LMO7: variants seen among roughly 807,000 people sequenced by gnomAD.
The protein encoded by LMO7 is LIM domain 7.
LMO7 carries 120 observed loss-of-function variants against 206.5 expected under a neutral mutation model. That is an observed-to-expected ratio of 0.58 (90% CI 0.50 to 0.68). LMO7 has a LOEUF of 0.68. LMO7 is among the 30% of genes least tolerant of loss of function. The pLI is 0.00. For synonymous variants in LMO7, 706 were observed against 681.5 expected, an observed-to-expected ratio of 1.04 and a Z score of -0.56; for missense variants, 1,959 against 1,957.9, an observed-to-expected ratio of 1.00 and a Z score of -0.01.
chr13:75,708,414 C>G (rs1433809821), intron 1 of LMO7, among the ~76,000 whole-genome samples: 3 of 152,180 alleles, frequency 2.0e-5, no homozygotes, highest in Non-Finnish European at 2.9e-5. Context: ...AGGACACAGC[C>G]CTTCTTTCTT....
intron 25 of LMO7, among the ~76,000 whole-genome samples, chr13:75,843,657 A>G (rs2059730836): frequency 1.3e-5 from 2 of 152,214 alleles, no homozygotes; most frequent in Non-Finnish European, 2.9e-5. Context: ...AGATATCTGG[A>G]AAGTTACATG....
At position 75,849,118 on chromosome 13, in the gene LMO7, C is replaced by T; in HGVS notation, c.4190C>T (p.Ser1397Phe). 6.2e-7 allele frequency: 1 copy of T among 1,612,850 alleles called. No individual in the cohort carries two copies. The highest frequency in any genetic ancestry group is 2.2e-5 in the East Asian group (1 of 44,832). ...TTAGACCAAATTGGGAACATGACCTCTTCACAGAGGAGATCCAAGAAAGAA... is the reference window on the plus strand; with the variant it reads ...TTAGACCAAATTGGGAACATGACCTTTTCACAGAGGAGATCCAAGAAAGAA... ...KYLDQIGNMT[S>F]SQRRSKKEQV... The change falls in exon 27 of 31, where the codon TCT (serine) becomes TTT (phenylalanine). Residue 1397 changes from serine to phenylalanine, a missense_variant. Ser to Phe is a radical substitution (Grantham distance 155). Coordinates refer to ENST00000377534, the MANE Select transcript of LMO7 (RefSeq NM_001306080.2).
intron 4 of LMO7, among the ~76,000 whole-genome samples, chr13:75,786,713 A>AT (rs1566458518): frequency 6.6e-6 from 1 of 152,086 alleles, no homozygotes; most frequent in Admixed American, 6.6e-5. Flanking sequence ...AGGTGATTCC[A>AT]TTCAGTCTTA....
chr13:75,772,703 A>G (rs895619885), intron 4 of LMO7, among the ~76,000 whole-genome samples: 1 of 152,164 alleles, frequency 6.6e-6, no homozygotes, highest in Non-Finnish European at 1.5e-5. Context: ...AAAGAAAAAC[A>G]TGTTAATGTG....
chr13:75,674,498 G>C (rs1168221282), intron 1 of LMO7, among the ~76,000 whole-genome samples: 2 of 152,130 alleles, frequency 1.3e-5, no homozygotes, highest in African/African-American at 4.8e-5. Context: ...ACATTTCTAT[G>C]GATGTTGTGA....
chr13:75,817,207 C>G lies in LMO7; in HGVS notation c.1993C>G (p.Arg665Gly), dbSNP rs370187434. The G allele has an allele frequency of 8.1e-5, 131 of 1,613,486 alleles. No individual in the cohort carries two copies. The highest frequency in any genetic ancestry group is 9.8e-5 in the Non-Finnish European group (116 of 1,179,698). The change falls in exon 12 of 31, where the codon CGT (arginine) becomes GGT (glycine). Residue 665 changes from arginine to glycine, a missense_variant. Transcript: ENST00000377534. Reference sequence around the variant, plus strand: ...CAGCGCAGAAGATGTTCAAAACTTGCGTCAGCTGCGTTACGAGGAGATGCA... The same window carrying G: ...CAGCGCAGAAGATGTTCAAAACTTGGGTCAGCTGCGTTACGAGGAGATGCA... ...DVSAEDVQNL[R>G]QLRYEEMQKI...
intron 27 of LMO7, among the ~76,000 whole-genome samples, chr13:75,850,674 T>A (rs1661928782): frequency 6.6e-6 from 1 of 152,218 alleles, no homozygotes; most frequent in African/African-American, 2.4e-5. Context: ...ACTGGGCAGT[T>A]ATTTGCATGA....
At position 75,819,394 on chromosome 13, in the gene LMO7, A is replaced by T. The variant is rs1566537739; in HGVS notation, c.2066A>T (p.Asp689Val). The T allele has an allele frequency of 1.1e-5, 18 of 1,601,930 alleles. No homozygotes were observed. The highest frequency in any genetic ancestry group is 1.4e-5 in the Non-Finnish European group (16 of 1,176,068). ...LKEQDQKWQD[D>V]LAKWKDRRKS... The stretch of plus-strand genomic sequence containing the variant: ...CTGCTGATGTGATTTTTCTGTCAGG[A>T]CCTTGCAAAATGGAAAGATCGTCGA... The change falls in exon 13 of 31, where the codon GAC (aspartate) becomes GTC (valine). Residue 689 changes from aspartate to valine, a missense_variant and splice_region_variant. Transcript: ENST00000377534.
rs143470231 is a variant in LMO7 at position 75,621,697 on chromosome 13, A to G, written c.4A>G (p.Lys2Glu). ...TAATTTTTTTATTACAACTGCTATG[A>G]AGAAAATTAGGATATGCCATATTTT... Residue 2 changes from lysine to glutamate, a missense_variant, in exon 1 of 30, where the codon AAG becomes GAG. Lys to Glu is a moderately conservative substitution (Grantham distance 56, BLOSUM62 1). Transcript: ENST00000341547. 2.3e-3 allele frequency: 3,591 copies of G among 1,579,018 alleles called. 78 individuals are homozygous for G. The African/African-American group carries it at 0.042, about 19-fold the overall frequency.
At chr13:75,746,990 G>A (rs977348171) in intron 3 of LMO7, among the ~76,000 whole-genome samples, 2 of 151,798 alleles carry the variant, frequency 1.3e-5, no homozygotes, top group Non-Finnish European at 2.9e-5. Flanking sequence ...AAAAAGATGG[G>A]GTGAAAACCT....
chr13:75,846,599 C>G (rs1200319285), intron 26 of LMO7, among the ~76,000 whole-genome samples: 1 of 152,200 alleles, frequency 6.6e-6, no homozygotes, highest in Non-Finnish European at 1.5e-5. Context: ...AACATAAACA[C>G]AAGACCTGTC....
At position 75,796,627 on chromosome 13, in the gene LMO7, T is replaced by C; in HGVS notation, c.349-9T>C. Reference sequence around the variant, plus strand: ...GATCTTGTTGTTCATGGATTTTTTTTTTTTTAAGGTTTTGATAACATTGTA... The same window carrying C: ...GATCTTGTTGTTCATGGATTTTTTTCTTTTTAAGGTTTTGATAACATTGTA... On this transcript the variant is annotated splice_polypyrimidine_tract_variant and intron_variant, in intron 5 of 30. Transcript: ENST00000377534. The C allele has an allele frequency of 1.9e-6, 3 of 1,566,644 alleles. No individual in the cohort carries two copies. Among genetic ancestry groups the C allele is most frequent in the Non-Finnish European group, 2.6e-6 (3 of 1,142,244 alleles).
At chr13:75,797,079 C>T (rs896575241) in intron 6 of LMO7, among the ~76,000 whole-genome samples, 2 of 152,180 alleles carry the variant, frequency 1.3e-5, no homozygotes, top group Admixed American at 6.5e-5. Context: ...CTATACTCAT[C>T]GTAAACTCAA....
At chr13:75,685,654 A>G (rs2040910283) in intron 1 of LMO7, among the ~76,000 whole-genome samples, 1 of 152,128 alleles carries the variant, frequency 6.6e-6, no homozygotes, top group African/African-American at 2.4e-5. Flanking sequence ...CCAGAGTTTC[A>G]GGCTTACCTT....
At chr13:75,714,481 T>C (rs1475595470) in intron 2 of LMO7, among the ~76,000 whole-genome samples, 1 of 152,218 alleles carries the variant, frequency 6.6e-6, no homozygotes, top group East Asian at 1.9e-4. Context: ...GTGATATTAT[T>C]AATTTTGTTC....
At chr13:75,778,868 G>A (rs974772095) in intron 4 of LMO7, among the ~76,000 whole-genome samples, 1 of 152,162 alleles carries the variant, frequency 6.6e-6, no homozygotes, top group African/African-American at 2.4e-5. Flanking sequence ...ATTAAAACAT[G>A]TATTACTATA....
rs139549870 is a variant in LMO7, at chr13:75,675,843, CT to C, written c.70-37338del. ...TGAAGAACATTTTATAAATTGCCCCCTGGATGGAAAATGTCTCCTCCTTGTA... is the reference window on the plus strand; with the variant it reads ...TGAAGAACATTTTATAAATTGCCCCCGGATGGAAAATGTCTCCTCCTTGTA... On this transcript the variant is annotated intron_variant, in intron 1 of 30. Coordinates refer to ENST00000377534, the MANE Select transcript of LMO7 (RefSeq NM_001306080.2). Among the ~76,000 whole-genome samples, 998 of 152,234 alleles carry C rather than the reference CT, an allele frequency of 6.6e-3. 10 individuals carry two copies. Among genetic ancestry groups the C allele is most frequent in the African/African-American group, 0.023 (959 of 41,546 alleles).
chr13:75,795,363 C>T (rs2140780328), intron 4 of LMO7, 38 bp from the exon 5 acceptor site: 2 of 1,409,372 alleles, frequency 1.4e-6, no homozygotes, highest in African/African-American at 1.5e-5. Context: ...ATTTAAGGTT[C>T]ACGGATATTA....
chr13:75,636,506 G>C lies in LMO7; in HGVS notation c.-152G>C. The stretch of plus-strand genomic sequence containing the variant: ...TTAACGAACTGCAGAGCGCAACAAA[G>C]GGAACTAGAGCCCCGGCGCCTTCGC... On this transcript the variant is annotated 5_prime_UTR_variant, in exon 1 of 31. Coordinates refer to ENST00000377534, the MANE Select transcript of LMO7 (RefSeq NM_001306080.2). 6.7e-7 allele frequency: 1 copy of C among 1,492,534 alleles called. No homozygotes were observed. Among genetic ancestry groups the C allele is most frequent in the Middle Eastern group, 2.4e-4 (1 of 4,118 alleles). The allele number at this position is 1,492,534 out of a possible 1,614,324, so 92.5% of individuals were successfully genotyped here.
Sources: allele counts gnomAD v4.1 joint callset (sites outside exome capture counted in the v4.1 genomes callset), GRCh38; gene constraint gnomAD v4.1.1; transcripts MANE v1.5; gene names NCBI Gene and HGNC (gene_info 2026-07-23, HGNC 2026-07-21).